Variants in CAST observed in about 807,000 individuals in gnomAD.
CAST encodes calpastatin.
Under a neutral mutation model 119.6 loss-of-function variants are expected in CAST, and 76 were observed. The ratio of observed to expected loss-of-function variants is 0.64; its 90% CI spans 0.53 to 0.77. The LOEUF (loss-of-function observed/expected upper bound fraction) is 0.77. CAST is among the 30% of genes least tolerant of loss of function. The probability of loss-of-function intolerance (pLI) is 0.00; values close to 1 mark genes in which losing one functional copy is unlikely to be tolerated. For synonymous variants in CAST, 319 were observed against 331.6 expected, an observed-to-expected ratio of 0.96 and a Z score of 0.41; for missense variants, 953 against 946.5, an observed-to-expected ratio of 1.01 and a Z score of -0.09.
the CAST span, among the ~76,000 whole-genome samples, chr5:96,136,046 A>G: frequency 1.3e-5 from 2 of 152,120 alleles, no homozygotes; most frequent in South Asian, 4.1e-4. Context: ...TAGCCCAAAC[A>G]CTTAAAGAAT....
At chr5:96,036,256 A>G in the CAST span, among the ~76,000 whole-genome samples, 1 of 152,084 alleles carries the variant, frequency 6.6e-6, no homozygotes, top group African/African-American at 2.4e-5. Flanking sequence ...GAGACTATTT[A>G]CTGTACAGTA....
the CAST span, among the ~76,000 whole-genome samples, chr5:96,349,879 AT>A: frequency 1.3e-5 from 2 of 152,286 alleles, no homozygotes; most frequent in South Asian, 4.1e-4. Flanking sequence ...AAGGAAAGGA[AT>A]AAGCTAGTGC....
the CAST span, among the ~76,000 whole-genome samples, chr5:95,999,329 G>T: frequency 6.6e-6 from 1 of 151,964 alleles, no homozygotes; most frequent in African/African-American, 2.4e-5. Context: ...TCATTGTATG[G>T]ATACGCCATA....
At chr5:96,274,878 G>T in the CAST span, among the ~76,000 whole-genome samples, 1 of 152,124 alleles carries the variant, frequency 6.6e-6, no homozygotes, top group Non-Finnish European at 1.5e-5. Flanking sequence ...AAACAAAAAA[G>T]AAGGGTCTAC....
chr5:96,566,000 T>G (rs261225), intron 1 of CAST, among the ~76,000 whole-genome samples: 62,787 of 152,012 alleles, frequency 0.41, 13,578 homozygotes, highest in Middle Eastern at 0.52. Flanking sequence ...AGGCGGAGAA[T>G]CATCAGCCCT....
At chr5:96,038,369 C>T in the CAST span, among the ~76,000 whole-genome samples, 3 of 151,774 alleles carry the variant, frequency 2.0e-5, no homozygotes, top group African/African-American at 4.8e-5. Context: ...ATACCCATTC[C>T]TTTTTTTTAA....
chr5:96,326,164 C>A, the CAST span, among the ~76,000 whole-genome samples: 1 of 152,082 alleles, frequency 6.6e-6, no homozygotes, highest in Non-Finnish European at 1.5e-5. Flanking sequence ...GATTTGGTTC[C>A]CTTATTACCT....
the CAST span, among the ~76,000 whole-genome samples, chr5:96,223,453 G>T: frequency 6.6e-6 from 1 of 152,062 alleles, no homozygotes; most frequent in South Asian, 2.1e-4. Context: ...ATTAGGATGG[G>T]TCTATTTCAA....
the CAST span, among the ~76,000 whole-genome samples, chr5:96,146,125 G>A: frequency 2.6e-5 from 4 of 152,156 alleles, no homozygotes; most frequent in African/African-American, 9.7e-5. Context: ...TTTCAGTGGG[G>A]GCATGACAAA....
At chr5:96,658,148 T>C (rs1162355483), upstream of CAST, among the ~76,000 whole-genome samples, 1 of 152,016 alleles carries the variant, frequency 6.6e-6, no homozygotes, top group Admixed American at 6.6e-5. Flanking sequence ...TGCCTCCAGA[T>C]CTGAGGGGCC....
chr5:96,062,109 C>CT, the CAST span, among the ~76,000 whole-genome samples: 1 of 152,138 alleles, frequency 6.6e-6, no homozygotes, highest in Non-Finnish European at 1.5e-5. Context: ...GTCAGCATCA[C>CT]TATCCAGCAG....
At chr5:96,382,648 A>C in the CAST span, among the ~76,000 whole-genome samples, 1 of 152,234 alleles carries the variant, frequency 6.6e-6, no homozygotes, top group Non-Finnish European at 1.5e-5. Context: ...TATTTAATAC[A>C]TTATGCTATT....
the CAST span, among the ~76,000 whole-genome samples, chr5:95,974,452 A>G: frequency 6.6e-6 from 1 of 152,222 alleles, no homozygotes; most frequent in Non-Finnish European, 1.5e-5. Flanking sequence ...TGTACCAGCT[A>G]TTATTTCTTC....
chr5:96,161,668 T>G, the CAST span, among the ~76,000 whole-genome samples: 10 of 152,226 alleles, frequency 6.6e-5, no homozygotes, highest in Admixed American at 6.5e-4. Flanking sequence ...AGCTGAAGTT[T>G]TGATAGGGAT....
chr5:96,292,123 T>C, the CAST span, among the ~76,000 whole-genome samples: 1 of 152,154 alleles, frequency 6.6e-6, no homozygotes. Context: ...TATGTTAATA[T>C]CTCAAAGATG....
the CAST span, among the ~76,000 whole-genome samples, chr5:96,227,134 G>A: frequency 1.3e-5 from 2 of 152,134 alleles, no homozygotes; most frequent in African/African-American, 4.8e-5. Context: ...AGAGTGAGGG[G>A]GAGGGTGCTT....
the CAST span, among the ~76,000 whole-genome samples, chr5:96,491,524 A>AAAAAT: frequency 7.0e-6 from 1 of 143,784 alleles, no homozygotes; most frequent in African/African-American, 2.6e-5. Flanking sequence ...AAAAAAAAAA[A>AAAAAT]ATTAAAAAGA....
intron 24 of CAST, among the ~76,000 whole-genome samples, chr5:96,758,003 T>A (rs1322458096): frequency 6.6e-6 from 1 of 152,148 alleles, no homozygotes; most frequent in Non-Finnish European, 1.5e-5. Context: ...TCTTTAGTTT[T>A]AGAGTGGCAG....
chr5:96,542,715 T>C (rs1056514339), intron 1 of CAST, among the ~76,000 whole-genome samples: 5 of 152,254 alleles, frequency 3.3e-5, no homozygotes, highest in African/African-American at 7.2e-5. Context: ...ATAAGACATA[T>C]GTTTTACAAC....
Sources: gnomAD v4.1 joint callset for allele counts (sites outside exome capture counted in the v4.1 genomes callset) on GRCh38, gnomAD v4.1.1 for gene constraint, MANE v1.5 for transcripts, NCBI Gene and HGNC (gene_info 2026-07-23, HGNC 2026-07-21) for gene names.